PLPPR1: variants seen among roughly 807,000 people sequenced by gnomAD.
PLPPR1 encodes phospholipid phosphatase related 1.
Under a neutral mutation model 33.1 loss-of-function variants are expected in PLPPR1, and 10 were observed. The ratio of observed to expected loss-of-function variants is 0.30; its 90% confidence interval spans 0.19 to 0.51. The LOEUF is 0.51. Among genes scored for constraint, PLPPR1 ranks in the 20% least tolerant of loss-of-function variants. The pLI, the probability that PLPPR1 is intolerant of heterozygous loss-of-function variation, is 0.97. For missense variants in PLPPR1, 304 were observed against 408.1 expected (o/e 0.74, Z 2.20); for synonymous variants, 151 against 151.0 (o/e 1.00, Z 0.00).
intron 7 of PLPPR1, among the ~76,000 whole-genome samples, chr9:101,322,918 C>T (rs1317630139): frequency 6.6e-6 from 1 of 152,032 alleles, no homozygotes; most frequent in African/African-American, 2.4e-5. Flanking sequence ...TCAAGAAAAA[C>T]ATTTTAATGG....
At chr9:101,305,734 T>C (rs754380973) in intron 4 of PLPPR1, among the ~76,000 whole-genome samples, 1 of 151,950 alleles carries the variant, frequency 6.6e-6, no homozygotes, top group Non-Finnish European at 1.5e-5. Context: ...GCTTTGAAGA[T>C]CTCCTTCATG....
rs1248099871 is a variant in PLPPR1 at position 101,049,937 on chromosome 9, C to T, written c.-46+20835C>T. 3.3e-5 allele frequency among the ~76,000 whole-genome samples: 5 copies of T among 151,534 alleles called. No homozygotes were observed. The South Asian group carries it at 8.3e-4, about 25-fold the overall frequency. The stretch of plus-strand genomic sequence containing the variant: ...GGTTAGGAGTTCAAGACCAGCCTGG[C>T]CAACATGGTGAAACCTGTCTCTACT... On this transcript the variant is annotated intron_variant, in intron 1 of 7. Coordinates refer to ENST00000374874, the MANE Select transcript of PLPPR1 (RefSeq NM_207299.2).
intron 2 of PLPPR1, among the ~76,000 whole-genome samples, chr9:101,185,858 G>A (rs1259289211): frequency 6.6e-6 from 1 of 151,724 alleles, no homozygotes; most frequent in Non-Finnish European, 1.5e-5. Context: ...TGATGTGAAT[G>A]TTAACTATGA....
chr9:101,203,357 A>G (rs1231886659), intron 2 of PLPPR1, among the ~76,000 whole-genome samples: 33 of 152,098 alleles, frequency 2.2e-4, no homozygotes, highest in Admixed American at 2.1e-3. Context: ...CAGAGACCTT[A>G]GGGGGGGAAA....
chr9:101,212,317 C>T (rs1201638733), intron 2 of PLPPR1, among the ~76,000 whole-genome samples: 2 of 151,958 alleles, frequency 1.3e-5, no homozygotes, highest in Non-Finnish European at 2.9e-5. Flanking sequence ...TCCTGACCTC[C>T]AGTGATCTGC....
chr9:101,224,438 C>G (rs1827017199), intron 2 of PLPPR1, among the ~76,000 whole-genome samples: 1 of 152,150 alleles, frequency 6.6e-6, no homozygotes, highest in Non-Finnish European at 1.5e-5. Context: ...GTTAATGATG[C>G]TCTCGGCTGC....
chr9:101,148,202 C>T (rs1394635944), intron 1 of PLPPR1, among the ~76,000 whole-genome samples: 2 of 152,140 alleles, frequency 1.3e-5, no homozygotes, highest in Admixed American at 1.3e-4. Flanking sequence ...AGTAAATGCC[C>T]TTGTGACCAA....
chr9:101,134,457 A>C (rs1011704563), intron 1 of PLPPR1, among the ~76,000 whole-genome samples: 1 of 151,076 alleles, frequency 6.6e-6, no homozygotes, highest in African/African-American at 2.4e-5. Context: ...ACCTGGGCTC[A>C]CTGCAACCTC....
At chr9:101,225,421 C>A (rs1310154131) in intron 2 of PLPPR1, among the ~76,000 whole-genome samples, 3 of 152,146 alleles carry the variant, frequency 2.0e-5, no homozygotes, top group Non-Finnish European at 4.4e-5. Flanking sequence ...TGCCTCACCT[C>A]TCTGTGCAGG....
At chr9:101,317,628 C>T in intron 7 of PLPPR1, 132 bp downstream of exon 7, 1 of 898,312 alleles carries the variant, frequency 1.1e-6, no homozygotes, top group Non-Finnish European at 1.6e-6. Flanking sequence ...AAGGCCCTCA[C>T]AAAAGGCAGC....
At chr9:101,223,778 A>G (rs921271119) in intron 2 of PLPPR1, among the ~76,000 whole-genome samples, 6 of 151,950 alleles carry the variant, frequency 3.9e-5, no homozygotes, top group African/African-American at 1.5e-4. Flanking sequence ...AGTCAATTAA[A>G]CCTCTTTTCT....
intron 1 of PLPPR1, among the ~76,000 whole-genome samples, chr9:101,174,209 T>A (rs1825986988): frequency 6.6e-6 from 1 of 152,120 alleles, no homozygotes; most frequent in Non-Finnish European, 1.5e-5. Context: ...AGGCTCAAAG[T>A]GCAGAATTCT....
chr9:101,087,319 T>A (rs562815701), intron 1 of PLPPR1, among the ~76,000 whole-genome samples: 1 of 152,342 alleles, frequency 6.6e-6, no homozygotes, highest in East Asian at 1.9e-4. Flanking sequence ...AATTTTTAAT[T>A]GAATATGTAC....
chr9:101,070,714 A>AT (rs918276996), intron 1 of PLPPR1, among the ~76,000 whole-genome samples: 1 of 151,908 alleles, frequency 6.6e-6, no homozygotes, highest in Non-Finnish European at 1.5e-5. Flanking sequence ...TATTTGCTCC[A>AT]TTTTTTCCCC....
At chr9:101,180,722 A>G (rs989345044) in intron 1 of PLPPR1, among the ~76,000 whole-genome samples, 6 of 152,022 alleles carry the variant, frequency 3.9e-5, no homozygotes, top group African/African-American at 1.2e-4. Context: ...ATTCCACACC[A>G]TAAACAAAAA....
At chr9:101,283,154 C>A (rs2118911955) in intron 3 of PLPPR1, among the ~76,000 whole-genome samples, 1 of 152,192 alleles carries the variant, frequency 6.6e-6, no homozygotes, top group Admixed American at 6.5e-5. Context: ...ATATTTTTCA[C>A]AGGATAGAAA....
intron 1 of PLPPR1, among the ~76,000 whole-genome samples, chr9:101,153,571 A>G (rs1041200699): frequency 3.3e-5 from 5 of 151,966 alleles, no homozygotes; most frequent in African/African-American, 1.2e-4. Flanking sequence ...TGTCCCATCA[A>G]TACCTAATTT....
chr9:101,047,691 T>C (rs944694716), intron 1 of PLPPR1, among the ~76,000 whole-genome samples: 6 of 152,192 alleles, frequency 3.9e-5, no homozygotes, highest in Non-Finnish European at 7.4e-5. Context: ...TCCTCAGTAT[T>C]TGATGCTCAG....
intron 6 of PLPPR1, among the ~76,000 whole-genome samples, chr9:101,315,541 T>C (rs1488845945): frequency 6.6e-6 from 1 of 152,220 alleles, no homozygotes; most frequent in Non-Finnish European, 1.5e-5. Flanking sequence ...CTCCATAACA[T>C]GCAGCCCTGT....
Sources: allele counts gnomAD v4.1 joint callset (sites outside exome capture counted in the v4.1 genomes callset), GRCh38; gene constraint gnomAD v4.1.1; transcripts MANE v1.5; gene names NCBI Gene and HGNC (gene_info 2026-07-23, HGNC 2026-07-21).